CFAP299: variants seen among roughly 807,000 people sequenced by gnomAD.
The protein encoded by CFAP299 is cilia and flagella associated protein 299.
CFAP299 carries 21 observed loss-of-function variants against 27.0 expected under a neutral mutation model. The observed-to-expected ratio is 0.78, with a 90% CI of 0.55 to 1.12. CFAP299 has a LOEUF of 1.12. Ranked by LOEUF, CFAP299 falls within the 50% of genes most tolerant of loss-of-function variation. The pLI, the probability that CFAP299 is intolerant of heterozygous loss-of-function variation, is 0.00. For synonymous variants in CFAP299, 104 were observed against 98.1 expected (o/e 1.06, Z -0.36); for missense variants, 310 against 276.6 (o/e 1.12, Z -0.86).
chr4:80,764,396 A>G (rs1725727283), intron 3 of CFAP299, among the ~76,000 whole-genome samples: 1 of 152,228 alleles, frequency 6.6e-6, no homozygotes, highest in Admixed American at 6.5e-5. Context: ...CCACAACGAG[A>G]TACCATCTCA....
chr4:80,835,624 A>G (rs553985940), intron 3 of CFAP299, among the ~76,000 whole-genome samples: 7 of 152,306 alleles, frequency 4.6e-5, no homozygotes, highest in South Asian at 2.1e-4. Context: ...ATAATTATAC[A>G]AAGAATCTGG....
intron 2 of CFAP299, among the ~76,000 whole-genome samples, chr4:80,410,192 G>T (rs1726651884): frequency 6.6e-6 from 1 of 152,192 alleles, no homozygotes; most frequent in South Asian, 2.1e-4. Flanking sequence ...ATTGTAGCAA[G>T]AGAAAAAGTT....
At chr4:80,528,221 A>T (rs1733287176) in intron 2 of CFAP299, among the ~76,000 whole-genome samples, 2 of 152,114 alleles carry the variant, frequency 1.3e-5, no homozygotes, top group South Asian at 4.1e-4. Context: ...TAATTCTTCT[A>T]ACCCTTTTTT....
At chr4:80,869,658 C>T (rs1233172123) in intron 3 of CFAP299, among the ~76,000 whole-genome samples, 29 of 152,076 alleles carry the variant, frequency 1.9e-4, no homozygotes, top group Admixed American at 1.9e-3. Flanking sequence ...GGATTATAGG[C>T]GCCCTCCACC....
Position 80,377,478 on chromosome 4 carries a change from A to G in CFAP299, c.242+14594A>G, listed in dbSNP as rs552063345. On this transcript the variant is annotated intron_variant, in intron 2 of 5. Coordinates refer to ENST00000358105, the MANE Select transcript of CFAP299 (RefSeq NM_152770.3). Reference sequence around the variant, plus strand: ...TTTCTATTCTATTCCACGGATTTATATGTCTATCTTTATGCCAACATCACA... The same window carrying G: ...TTTCTATTCTATTCCACGGATTTATGTGTCTATCTTTATGCCAACATCACA... Among the ~76,000 whole-genome samples, 3 of 151,974 alleles carry G rather than the reference A, an allele frequency of 2.0e-5. No homozygotes were observed. In the South Asian group the frequency reaches 6.2e-4, roughly 32 times the overall value.
At chr4:80,618,432 C>T (rs1364938726) in intron 3 of CFAP299, among the ~76,000 whole-genome samples, 1 of 152,062 alleles carries the variant, frequency 6.6e-6, no homozygotes, top group African/African-American at 2.4e-5. Flanking sequence ...ATGCAATATA[C>T]TCCTTTCAAG....
chr4:80,887,257 AAAG>A (rs1560463366), intron 4 of CFAP299, among the ~76,000 whole-genome samples: 1 of 152,294 alleles, frequency 6.6e-6, no homozygotes, highest in East Asian at 1.9e-4. Flanking sequence ...GATTTAACCC[AAAG>A]AAGACTACCT....
intron 4 of CFAP299, among the ~76,000 whole-genome samples, chr4:80,888,562 C>G (rs952704505): frequency 1.3e-5 from 2 of 151,914 alleles, no homozygotes; most frequent in Non-Finnish European, 2.9e-5. Context: ...GGACAGATCT[C>G]CCAGGCAGAA....
At chr4:80,796,033 A>T (rs1187240272) in intron 3 of CFAP299, among the ~76,000 whole-genome samples, 1 of 152,100 alleles carries the variant, frequency 6.6e-6, no homozygotes, top group Non-Finnish European at 1.5e-5. Context: ...AGTAGCCTGG[A>T]CCTATTGCAG....
At chr4:80,960,659 T>C (rs1738299191) in intron 5 of CFAP299, among the ~76,000 whole-genome samples, 1 of 151,860 alleles carries the variant, frequency 6.6e-6, no homozygotes, top group Non-Finnish European at 1.5e-5. Context: ...ACATAGACAG[T>C]GGTGTCAGTC....
chr4:80,703,948 G>A (rs1189045352), intron 3 of CFAP299, among the ~76,000 whole-genome samples: 1 of 151,222 alleles, frequency 6.6e-6, no homozygotes, highest in African/African-American at 2.4e-5. Flanking sequence ...TTGTGAAAAG[G>A]AGGAGGAAGA....
intron 2 of CFAP299, among the ~76,000 whole-genome samples, chr4:80,521,886 T>G (rs1732931435): frequency 6.6e-6 from 1 of 152,088 alleles, no homozygotes; most frequent in Non-Finnish European, 1.5e-5. Context: ...ACACTTAGAT[T>G]GTTTTCACCT....
chr4:80,860,617 C>G (rs1732268803), intron 3 of CFAP299, among the ~76,000 whole-genome samples: 1 of 152,156 alleles, frequency 6.6e-6, no homozygotes, highest in Non-Finnish European at 1.5e-5. Context: ...TGTTAGTTTT[C>G]CTTCTAACAG....
At chr4:80,377,383 C>A (rs1724471097) in intron 2 of CFAP299, among the ~76,000 whole-genome samples, 1 of 151,968 alleles carries the variant, frequency 6.6e-6, no homozygotes, top group African/African-American at 2.4e-5. Flanking sequence ...TATTCTTTTT[C>A]TATTGAATTT....
upstream of CFAP299, among the ~76,000 whole-genome samples, chr4:80,331,443 G>T (rs1035898177): frequency 4.6e-5 from 7 of 152,214 alleles, no homozygotes; most frequent in Non-Finnish European, 2.9e-5. Context: ...GGCCAGAAGA[G>T]TATAGGGAAA....
At chr4:80,816,905 T>A (rs1729449004) in intron 3 of CFAP299, among the ~76,000 whole-genome samples, 1 of 152,144 alleles carries the variant, frequency 6.6e-6, no homozygotes, top group South Asian at 2.1e-4. Flanking sequence ...TGTGTTGGGC[T>A]GCATTCAAAG....
At chr4:80,589,289 G>T (rs1318740584) in intron 3 of CFAP299, among the ~76,000 whole-genome samples, 2 of 151,956 alleles carry the variant, frequency 1.3e-5, no homozygotes, top group African/African-American at 2.4e-5. Context: ...AAGCAATCTG[G>T]GTCCAGATTC....
chr4:80,661,373 G>A lies in CFAP299; in HGVS notation c.333+78190G>A, dbSNP rs192797178. 5.0e-3 allele frequency among the ~76,000 whole-genome samples: 760 copies of A among 151,232 alleles called. 5 individuals carry two copies. Among genetic ancestry groups the A allele is most frequent in the Middle Eastern group, 0.021 (6 of 286 alleles). On this transcript the variant is annotated intron_variant, in intron 3 of 5. Coordinates refer to ENST00000358105, the MANE Select transcript of CFAP299 (RefSeq NM_152770.3). ...TTGCGGGAAGTCAGGAACCCTGAAC[G>A]GAGGGACCGGCTGAAGCCATGTCAG...
chr4:80,434,809 A>G (rs1727985875), intron 2 of CFAP299, among the ~76,000 whole-genome samples: 1 of 152,212 alleles, frequency 6.6e-6, no homozygotes, highest in Non-Finnish European at 1.5e-5. Flanking sequence ...TGGAGTCAGA[A>G]AAGCTGATTG....
Sources: gnomAD v4.1 joint callset for allele counts (sites outside exome capture counted in the v4.1 genomes callset) on GRCh38, gnomAD v4.1.1 for gene constraint, MANE v1.5 for transcripts, NCBI Gene and HGNC (gene_info 2026-07-23, HGNC 2026-07-21) for gene names.